The following E2F8 variants were observed in gnomAD, a reference collection of about 807,000 sequenced individuals.
The protein encoded by E2F8 is E2F transcription factor 8, also known as transcription factor E2F8.
Under a neutral mutation model 80.8 loss-of-function variants are expected in E2F8, and 35 were observed. The observed-to-expected ratio is 0.43, with a 90% CI of 0.33 to 0.57. The LOEUF is 0.57. Ranked by LOEUF, E2F8 falls within the 20% of genes least tolerant of loss-of-function variation. The pLI, the probability that E2F8 is intolerant of heterozygous loss-of-function variation, is 0.04. For missense variants in E2F8, 975 were observed against 1,056.2 expected (o/e 0.92, Z 1.07); for synonymous variants, 386 against 395.0 (o/e 0.98, Z 0.27).
intron 5 of E2F8, 46 bp from the exon 6 acceptor site, chr11:19,234,567 C>G: frequency 6.3e-7 from 1 of 1,599,138 alleles, no homozygotes; most frequent in Non-Finnish European, 8.5e-7. Flanking sequence ...CATAAAGGGA[C>G]AAGTGACTTC....
At chr11:19,231,509 C>T (rs1289736312) in intron 7 of E2F8, among the ~76,000 whole-genome samples, 2 of 152,198 alleles carry the variant, frequency 1.3e-5, no homozygotes, top group Non-Finnish European at 2.9e-5. Flanking sequence ...ACCTAAGTTT[C>T]CCTCTGTCTT....
intron 4 of E2F8, among the ~76,000 whole-genome samples, chr11:19,235,542 A>G (rs890556652): frequency 1.3e-5 from 2 of 152,098 alleles, no homozygotes; most frequent in African/African-American, 4.8e-5. Flanking sequence ...CCAGCTACTC[A>G]GGAGGCTGAG....
Position 19,225,334 on chromosome 11 carries a change from C to A in E2F8, c.2308G>T (p.Val770Phe). 1 of 1,614,190 alleles carries A rather than the reference C, an allele frequency of 6.2e-7. No homozygotes were observed. Among genetic ancestry groups the A allele is most frequent in the Non-Finnish European group, 8.5e-7 (1 of 1,180,046 alleles). The change falls in exon 12 of 13, where the codon GTC becomes TTC. Residue 770 changes from valine (V) to phenylalanine (F), a missense_variant. Transcript: ENST00000250024. ...TGAGTGCCTGCATTTTCTGGTGCGA[C>A]ATTAACAGACTCTATTCTTGGAGAC... Reference protein sequence around the residue: ...PVSPRIESVNVAPENAGTQQG... With the variant: ...PVSPRIESVNFAPENAGTQQG...
At chr11:19,238,455 C>T (rs1206143181) in intron 2 of E2F8, among the ~76,000 whole-genome samples, 1 of 152,194 alleles carries the variant, frequency 6.6e-6, no homozygotes, top group Non-Finnish European at 1.5e-5. Context: ...AGAAGAGAAG[C>T]AAAGACAGTA....
rs145077940 is a variant in E2F8 at position 19,236,783 on chromosome 11, T to A, written c.451+531A>T. Among the ~76,000 whole-genome samples the A allele has an allele frequency of 1.9e-3, 296 of 152,318 alleles. 3 individuals carry two copies. Among genetic ancestry groups the A allele is most frequent in the African/African-American group, 7.0e-3 (291 of 41,570 alleles). On this transcript the variant is annotated intron_variant, in intron 4 of 12. Coordinates refer to ENST00000250024, the MANE Select transcript of E2F8 (RefSeq NM_024680.4). The stretch of plus-strand genomic sequence containing the variant: ...CCCCAAATTCACCACGGGCCCCTTT[T>A]TAGCTCCAAATAGATTCAGGTCTTT...
intron 10 of E2F8, among the ~76,000 whole-genome samples, chr11:19,227,841 A>C (rs1240727106): frequency 6.6e-6 from 1 of 152,206 alleles, no homozygotes; most frequent in African/African-American, 2.4e-5. Context: ...TGATCTCAGC[A>C]CTTTGGGAAG....
intron 10 of E2F8, among the ~76,000 whole-genome samples, chr11:19,228,163 T>G (rs1337292471): frequency 6.6e-6 from 1 of 152,002 alleles, no homozygotes; most frequent in East Asian, 1.9e-4. Context: ...CCACTGAAAA[T>G]CCTAATCCTG....
intron 3 of E2F8, 25 bp from the exon 4 acceptor site, chr11:19,237,495 T>C: frequency 8.1e-6 from 13 of 1,604,038 alleles, no homozygotes; most frequent in Non-Finnish European, 1.1e-5. Context: ...GTAAACAATG[T>C]CTTATTCTAA....
intron 4 of E2F8, among the ~76,000 whole-genome samples, chr11:19,236,714 A>G (rs1851528563): frequency 6.6e-6 from 1 of 152,216 alleles, no homozygotes; most frequent in African/African-American, 2.4e-5. Context: ...ACAGCACATC[A>G]CTTCACAGGT....
Position 19,229,610 on chromosome 11 carries a change from A to C in E2F8, c.1737T>G (p.Pro579=). The change falls in exon 10 of 13, where the codon CCT becomes CCG. Residue 579 remains proline, a synonymous_variant. Coordinates refer to ENST00000250024, the MANE Select transcript of E2F8 (RefSeq NM_024680.4). This position sits in a 1 kb window ranked among gnomAD's most constrained non-coding sequence, Gnocchi z 4.3. ...DTSKASASTR[P]GSLLPAPERQ... ...TCTCTGGTGCTGGCAGCAAGCTTCC[A>C]GGCCTGGTAGAGGCACTGGCCTTTG... is the stretch of plus-strand genomic sequence containing the variant. 1 of 1,613,966 alleles carries C rather than the reference A, an allele frequency of 6.2e-7. No individual in the cohort carries two copies. The highest frequency in any genetic ancestry group is 1.1e-5 in the South Asian group (1 of 91,060).
rs528273261 is a variant in E2F8 at position 19,230,488 on chromosome 11, T to C, written c.1270+143A>G. 21 of 1,197,592 alleles carry C rather than the reference T, an allele frequency of 1.8e-5. No individual in the cohort carries two copies. The African/African-American group carries it at 2.3e-4, about 13-fold the overall frequency. The allele number at this position is 1,197,592 out of a possible 1,614,324, so 74.2% of individuals were successfully genotyped here. On this transcript the variant is annotated intron_variant, in intron 8 of 12. Coordinates refer to ENST00000250024, the MANE Select transcript of E2F8 (RefSeq NM_024680.4). ...CCCCACAAATGACTTTTTAAATTTA[T>C]ACATTAGTTAGGCTTCAAGAGGGTT...
chr11:19,240,233 TAAAGAAA>T lies in E2F8; in HGVS notation c.-109-10_-109-4del, dbSNP rs1331934566. On this transcript the variant is annotated splice_polypyrimidine_tract_variant and splice_region_variant and intron_variant, in intron 1 of 12. Coordinates refer to ENST00000250024, the MANE Select transcript of E2F8 (RefSeq NM_024680.4). ...ATTGTACTAAAAGTTTTAATATCCT[TAAAGAAA>T]AAAGGAAATAGAAAAAGTTAGAGAA... 2 of 610,558 alleles carry T rather than the reference TAAAGAAA, an allele frequency of 3.3e-6. No individual in the cohort carries two copies. Among genetic ancestry groups the T allele is most frequent in the South Asian group, 4.7e-5 (1 of 21,100 alleles). 37.8% of individuals were successfully genotyped at this position (610,558 alleles called of 1,614,324 possible). A position where few individuals can be genotyped will look rare whatever the true frequency, so the allele number is the denominator to read the frequency against.
intron 2 of E2F8, among the ~76,000 whole-genome samples, chr11:19,239,771 G>A (rs796534083): frequency 1.1e-4 from 17 of 148,322 alleles, no homozygotes; most frequent in African/African-American, 3.7e-4. Context: ...GAGAGAAAAG[G>A]TATTTTTAAG....
chr11:19,235,129 A>G, intron 4 of E2F8, 71 bp from the exon 5 acceptor site: 1 of 1,370,122 alleles, frequency 7.3e-7, no homozygotes, highest in South Asian at 1.5e-5. Context: ...TTTTTCTTCC[A>G]TTGGTTTATT....
At chr11:19,228,860 T>G (rs907591962) in intron 10 of E2F8, among the ~76,000 whole-genome samples, 1 of 152,240 alleles carries the variant, frequency 6.6e-6, no homozygotes, top group African/African-American at 2.4e-5. Context: ...CCTCCGGAAC[T>G]AATCTCCACT....
rs761594626 is a variant in E2F8, at chr11:19,225,769, A to C, written c.1989T>G (p.Leu663=). ...AGCTGTAAATCCTGTGGTTTGGGGA[A>C]AGAGCACTTGAGTTTTCTTTACCAG... is the stretch of plus-strand genomic sequence containing the variant. ...ILSGKENSSA[L]SPNHRIYSSP... Residue 663 remains leucine (L), a synonymous_variant, in exon 11 of 13, where the codon CTT becomes CTG. Coordinates refer to ENST00000250024, the MANE Select transcript of E2F8 (RefSeq NM_024680.4). The C allele has an allele frequency of 6.2e-7, 1 of 1,614,194 alleles. No homozygotes were observed. Among genetic ancestry groups the C allele is most frequent in the Non-Finnish European group, 8.5e-7 (1 of 1,180,032 alleles).
intron 3 of E2F8, 34 bp from the exon 4 acceptor site, chr11:19,237,504 A>G: frequency 6.3e-7 from 1 of 1,599,750 alleles, no homozygotes; most frequent in South Asian, 1.1e-5. Flanking sequence ...GTCTTATTCT[A>G]AAATAAAGTC....
chr11:19,229,367 C>T lies in E2F8; in HGVS notation c.1893+87G>A, dbSNP rs1458371448. On this transcript the variant is annotated intron_variant, in intron 10 of 12. Transcript: ENST00000250024. The surrounding 1 kb of genome is among the most constrained non-coding windows in gnomAD (Gnocchi z 4.3). ...CAGTTCCTTGTCTTCTGAGAGAATGCTCTTCGGTAAATTTCACAAGCCACC... is the reference window on the plus strand; with the variant it reads ...CAGTTCCTTGTCTTCTGAGAGAATGTTCTTCGGTAAATTTCACAAGCCACC... 3.3e-6 allele frequency: 5 copies of T among 1,501,316 alleles called. No homozygotes were observed. Among genetic ancestry groups the T allele is most frequent in the South Asian group, 1.4e-5 (1 of 73,612 alleles). 93.0% of individuals were successfully genotyped at this position (1,501,316 alleles called of 1,614,324 possible). A position where few individuals can be genotyped will look rare whatever the true frequency, so the allele number is the denominator to read the frequency against.
chr11:19,236,505 G>A (rs994578077), intron 4 of E2F8, among the ~76,000 whole-genome samples: 2 of 152,118 alleles, frequency 1.3e-5, no homozygotes, highest in African/African-American at 4.8e-5. Flanking sequence ...CTACAACATT[G>A]CCTGACACAT....
Sources: gnomAD v4.1 joint callset for allele counts (sites outside exome capture counted in the v4.1 genomes callset) on GRCh38, gnomAD v4.1.1 for gene constraint, Gnocchi (gnomAD v3.1) non-coding constraint, MANE v1.5 for transcripts, NCBI Gene and HGNC (gene_info 2026-07-23, HGNC 2026-07-21) for gene names.